Variants in DYRK4 observed in about 807,000 individuals in gnomAD.
The protein encoded by DYRK4 is dual specificity tyrosine phosphorylation regulated kinase 4.
A neutral mutation model predicts 68.3 loss-of-function variants in DYRK4; 64 were observed. That is an observed-to-expected ratio of 0.94 (90% confidence interval 0.77 to 1.15). DYRK4 has a LOEUF of 1.15. Ranked by LOEUF, DYRK4 falls within the 50% of genes most tolerant of loss-of-function variation. The probability of loss-of-function intolerance (pLI) is 0.00; values close to 1 mark genes in which losing one functional copy is unlikely to be tolerated. For synonymous variants in DYRK4, 274 were observed against 289.9 expected (o/e 0.95, Z 0.56); for missense variants, 740 against 764.7 (o/e 0.97, Z 0.38).
rs1944776629 is a variant in DYRK4, at chr12:4,575,298, AC to A, written c.132+7251del. Among the ~76,000 whole-genome samples, 860 of 144,186 alleles carry A rather than the reference AC, an allele frequency of 6.0e-3. 5 individuals carry two copies. Among genetic ancestry groups the A allele is most frequent in the Non-Finnish European group, 7.6e-3 (504 of 66,392 alleles). The allele number at this position is 144,186 out of a possible 152,430, so 94.6% of individuals were successfully genotyped here. A position where few individuals can be genotyped will look rare whatever the true frequency, so the allele number is the denominator to read the frequency against. ...CTTGCCAATTTACTAACAATAACTT[AC>A]TGTGTGTGTGTGTGTGTGTGTGTTT... is the stretch of plus-strand genomic sequence containing the variant. On this transcript the variant is annotated intron_variant, in intron 2 of 14. Transcript: ENST00000543431.
At chr12:4,571,124 A>G (rs1203730798) in intron 2 of DYRK4, among the ~76,000 whole-genome samples, 1 of 152,212 alleles carries the variant, frequency 6.6e-6, no homozygotes, top group Non-Finnish European at 1.5e-5. Flanking sequence ...GCTGAGCTCC[A>G]GGATCACAGC....
At chr12:4,594,775 A>G (rs1302457494) in intron 6 of DYRK4, among the ~76,000 whole-genome samples, 1 of 151,956 alleles carries the variant, frequency 6.6e-6, no homozygotes, top group East Asian at 1.9e-4. Context: ...GTAAGCTCAG[A>G]ATCACCATCC....
At chr12:4,574,765 T>G (rs1176390077) in intron 2 of DYRK4, among the ~76,000 whole-genome samples, 1 of 152,262 alleles carries the variant, frequency 6.6e-6, no homozygotes, top group African/African-American at 2.4e-5. Context: ...TCACCCAGGT[T>G]GGAGCGCAGT....
Position 4,596,285 on chromosome 12 carries a change from G to T in DYRK4, c.764G>T (p.Arg255Met), listed in dbSNP as rs780631150. 2.9e-5 allele frequency: 47 copies of T among 1,614,054 alleles called. No individual in the cohort carries two copies. The South Asian group carries it at 5.2e-4, about 18-fold the overall frequency. Reference sequence around the variant, plus strand: ...CTGAAAATCATCAGGAACAAGAAGAGGTGTGGCTTGGGGATGACATAGGCC... The same window carrying T: ...CTGAAAATCATCAGGAACAAGAAGATGTGTGGCTTGGGGATGACATAGGCC... ...VALKIIRNKKRFHQQALMELK... is the reference protein window; with the variant it reads ...VALKIIRNKKMFHQQALMELK... Residue 255 changes from arginine to methionine, a missense_variant and splice_region_variant, in exon 7 of 15, where the codon AGG becomes ATG. Arg to Met is a moderately conservative substitution (Grantham distance 91). This residue lies in a region of DYRK4 where 614 missense variants were observed against 603.7 expected (regional missense o/e 1.02). Transcript: ENST00000543431.
chr12:4,593,453 A>G (rs1433016195), intron 6 of DYRK4, among the ~76,000 whole-genome samples: 1 of 152,162 alleles, frequency 6.6e-6, no homozygotes, highest in East Asian at 1.9e-4. Context: ...CCTTCCCTGC[A>G]TAGCCCACTG....
chr12:4,597,175 A>G (rs4766260), intron 8 of DYRK4: 447,584 of 1,013,556 alleles, frequency 0.44, 99,631 homozygotes, highest in East Asian at 0.68. Context: ...ACAAGAGCAG[A>G]TATTTTTGGT....
chr12:4,570,531 A>C (rs1944720790), intron 2 of DYRK4, among the ~76,000 whole-genome samples: 1 of 152,236 alleles, frequency 6.6e-6, no homozygotes, highest in Non-Finnish European at 1.5e-5. Flanking sequence ...TTCAGTGGAC[A>C]GTTGTGATAC....
chr12:4,605,132 G>GC, intron 11 of DYRK4, 46 bp downstream of exon 11: 1 of 1,573,820 alleles, frequency 6.4e-7, no homozygotes, highest in Non-Finnish European at 8.7e-7. Context: ...CCGTGGGCTT[G>GC]GCCCTCAGAC....
chr12:4,604,907 T>C lies in DYRK4; in HGVS notation c.1127-7T>C. 2 of 1,582,576 alleles carry C rather than the reference T, an allele frequency of 1.3e-6. No individual in the cohort carries two copies. The highest frequency in any genetic ancestry group is 1.7e-6 in the Non-Finnish European group (2 of 1,160,734). ...CCCACGAGGTTTCTCTTACTTTGCC[T>C]CCGCAGTATACACGTACATCCAAAG... On this transcript the variant is annotated splice_region_variant and splice_polypyrimidine_tract_variant and intron_variant, in intron 10 of 14. Coordinates refer to ENST00000543431, the MANE Select transcript of DYRK4 (RefSeq NM_001394779.1).
At chr12:4,605,849 A>G (rs1004746781) in intron 11 of DYRK4, among the ~76,000 whole-genome samples, 1 of 147,902 alleles carries the variant, frequency 6.8e-6, no homozygotes, top group Admixed American at 6.9e-5. Flanking sequence ...GGTGGTGTAG[A>G]TGTGAACCCA....
At chr12:4,572,165 C>T (rs1944736419) in intron 2 of DYRK4, among the ~76,000 whole-genome samples, 1 of 152,182 alleles carries the variant, frequency 6.6e-6, no homozygotes, top group Admixed American at 6.5e-5. Context: ...TTCATTTTCA[C>T]TGGCAGTTAA....
chr12:4,597,317 C>A (rs58057028), intron 8 of DYRK4: 14,935 of 243,736 alleles, frequency 0.061, 1,060 homozygotes, highest in African/African-American at 0.21. Context: ...CTAGAAACCC[C>A]GAATGCATTT....
At chr12:4,592,820 C>A in intron 5 of DYRK4, 182 bp from the exon 6 acceptor site, 1 of 621,006 alleles carries the variant, frequency 1.6e-6, no homozygotes. Context: ...AAATACAAGA[C>A]CTTGACATTT....
intron 2 of DYRK4, chr12:4,573,347 G>C: frequency 7.8e-7 from 1 of 1,289,574 alleles, no homozygotes; most frequent in Non-Finnish European, 1.0e-6. Flanking sequence ...CTCTTTCTGA[G>C]ATCTACATGG....
intron 2 of DYRK4, 139 bp downstream of exon 2, chr12:4,568,187 T>G: frequency 1.3e-6 from 1 of 762,860 alleles, no homozygotes; most frequent in South Asian, 1.8e-5. Context: ...TCATGCTGAT[T>G]GGCAGGGCCA....
At chr12:4,565,333 G>A (rs1180065567) in intron 1 of DYRK4, among the ~76,000 whole-genome samples, 1 of 152,178 alleles carries the variant, frequency 6.6e-6, no homozygotes, top group African/African-American at 2.4e-5. Flanking sequence ...TAAGTCACAA[G>A]AGATTTTTTT....
At chr12:4,610,475 G>A (rs1327333509) in intron 13 of DYRK4, 191 bp downstream of exon 13, 1 of 509,888 alleles carries the variant, frequency 2.0e-6, no homozygotes, top group African/African-American at 2.0e-5. Context: ...CTACTGTGTG[G>A]TTGTCAGGGC....
In DYRK4 at chr12:4,613,525, CAA is replaced by C. The variant is rs1399290142; in HGVS notation, c.1679_1680del (p.Lys560ArgfsTer9). On this transcript the variant is annotated frameshift_variant, in exon 15 of 15. Coordinates refer to ENST00000543431, the MANE Select transcript of DYRK4 (RefSeq NM_001394779.1). LOFTEE classifies it low-confidence loss of function (END_TRUNC). The surrounding 1 kb of genome is among the most constrained non-coding windows in gnomAD (Gnocchi z 4.0). ...HHSSRKDEIT[K>X]ETTEKTKDSP... Reference sequence around the variant, plus strand: ...TCTCTCCTTTAGCAGATGAGATCACCAAAGAGACTACAGAGAAAACAAAAGAT... The same window carrying C: ...TCTCTCCTTTAGCAGATGAGATCACCAGAGACTACAGAGAAAACAAAAGAT... The C allele has an allele frequency of 6.2e-7, 1 of 1,612,346 alleles. No homozygotes were observed. Among genetic ancestry groups the C allele is most frequent in the East Asian group, 2.2e-5 (1 of 44,844 alleles).
chr12:4,610,026 G>T, intron 12 of DYRK4, 129 bp from the exon 13 acceptor site: 1 of 596,424 alleles, frequency 1.7e-6, no homozygotes. Flanking sequence ...GTGTTTATTG[G>T]GGTGTGGCAT....
Sources: gnomAD v4.1 joint callset for allele counts (sites outside exome capture counted in the v4.1 genomes callset) on GRCh38, gnomAD v4.1.1 for gene constraint, gnomAD v4.1.1 regional missense constraint, Gnocchi (gnomAD v3.1) non-coding constraint, MANE v1.5 for transcripts, NCBI Gene and HGNC (gene_info 2026-07-23, HGNC 2026-07-21) for gene names.